Variants in EDIL3 observed in about 807,000 individuals in gnomAD.
EDIL3 encodes the protein EGF like and discoidin domains 3.
Under a neutral mutation model 67.4 loss-of-function variants are expected in EDIL3, and 37 were observed. The observed-to-expected ratio is 0.55, with a 90% confidence interval of 0.42 to 0.72. EDIL3 has a LOEUF of 0.72. Among genes scored for constraint, EDIL3 ranks in the 30% least tolerant of loss-of-function variants. EDIL3 has a pLI of 0.00. For missense variants in EDIL3, 527 were observed against 586.3 expected, an observed-to-expected ratio of 0.90 and a Z score of 1.04; for synonymous variants, 195 against 196.3, an observed-to-expected ratio of 0.99 and a Z score of 0.05.
intron 9 of EDIL3, among the ~76,000 whole-genome samples, chr5:84,011,180 A>G (rs1359502133): frequency 6.6e-6 from 1 of 152,138 alleles, no homozygotes; most frequent in Non-Finnish European, 1.5e-5. Context: ...GTGTCTTTAC[A>G]CATTTTTAGT....
chr5:84,234,794 T>C (rs1409600470), intron 2 of EDIL3, among the ~76,000 whole-genome samples: 1 of 152,190 alleles, frequency 6.6e-6, no homozygotes, highest in Non-Finnish European at 1.5e-5. Context: ...ATGTACCAAA[T>C]ATGTTTTCAA....
chr5:84,000,382 A>C (rs985700736), intron 9 of EDIL3, among the ~76,000 whole-genome samples: 2 of 152,198 alleles, frequency 1.3e-5, no homozygotes, highest in Admixed American at 6.5e-5. Flanking sequence ...ATATGAATCG[A>C]AACAACAAAA....
chr5:84,328,480 T>C (rs1398754593), intron 1 of EDIL3, among the ~76,000 whole-genome samples: 3 of 152,090 alleles, frequency 2.0e-5, no homozygotes, highest in Non-Finnish European at 4.4e-5. Flanking sequence ...ATAATTCATC[T>C]AACAATAATG....
intron 2 of EDIL3, among the ~76,000 whole-genome samples, chr5:84,239,565 G>T (rs1009652201): frequency 2.0e-5 from 3 of 152,108 alleles, no homozygotes; most frequent in African/African-American, 7.2e-5. Context: ...GCAAAAACTT[G>T]GAACCTTCAG....
intron 1 of EDIL3, among the ~76,000 whole-genome samples, chr5:84,342,176 T>C (rs917770957): frequency 6.6e-6 from 1 of 152,052 alleles, no homozygotes; most frequent in African/African-American, 2.4e-5. Flanking sequence ...TTTTCAGCCA[T>C]GGAAAAGAAT....
chr5:84,227,871 G>C (rs1300267138), intron 3 of EDIL3, among the ~76,000 whole-genome samples: 1 of 151,940 alleles, frequency 6.6e-6, no homozygotes, highest in Non-Finnish European at 1.5e-5. Context: ...GCTAAACATT[G>C]AGCACACATG....
intron 8 of EDIL3, among the ~76,000 whole-genome samples, chr5:84,063,409 A>T (rs941269496): frequency 2.0e-5 from 3 of 152,174 alleles, no homozygotes; most frequent in Non-Finnish European, 4.4e-5. Flanking sequence ...AATTGCCAAA[A>T]TAAGGAAAAT....
chr5:84,134,090 G>C (rs1013610447), intron 5 of EDIL3, among the ~76,000 whole-genome samples: 1 of 151,960 alleles, frequency 6.6e-6, no homozygotes, highest in African/African-American at 2.4e-5. Context: ...TTTGCAACAG[G>C]TCATAATAGA....
chr5:84,075,477 C>CTTA (rs1420250244), intron 6 of EDIL3, among the ~76,000 whole-genome samples: 99 of 151,042 alleles, frequency 6.6e-4, no homozygotes, highest in African/African-American at 2.3e-3. Context: ...TCTTCTTCTT[C>CTTA]TTCTTCTTAT....
chr5:84,077,600 A>G (rs940836895), intron 6 of EDIL3, among the ~76,000 whole-genome samples: 1 of 152,114 alleles, frequency 6.6e-6, no homozygotes, highest in Admixed American at 6.5e-5. Context: ...GTTATCCACT[A>G]TCATGAGAAC....
At chr5:84,025,638 G>T (rs888941069) in intron 9 of EDIL3, among the ~76,000 whole-genome samples, 4 of 152,106 alleles carry the variant, frequency 2.6e-5, no homozygotes, top group Non-Finnish European at 5.9e-5. Context: ...AAAGGTTGGG[G>T]TCCACTGCTC....
At chr5:83,969,830 C>T (rs1678199169) in intron 9 of EDIL3, among the ~76,000 whole-genome samples, 1 of 151,770 alleles carries the variant, frequency 6.6e-6, no homozygotes. Context: ...TTCCATACTG[C>T]AATGTCTAAT....
At chr5:84,223,402 T>A (rs1468261426) in intron 3 of EDIL3, among the ~76,000 whole-genome samples, 1 of 151,166 alleles carries the variant, frequency 6.6e-6, no homozygotes, top group Non-Finnish European at 1.5e-5. Context: ...ATTGATTAAT[T>A]AATAGATAAG....
At chr5:84,124,315 T>C (rs1747826732) in intron 5 of EDIL3, among the ~76,000 whole-genome samples, 1 of 152,000 alleles carries the variant, frequency 6.6e-6, no homozygotes, top group Non-Finnish European at 1.5e-5. Context: ...TCTGATGGTA[T>C]GTTACATGTG....
At chr5:84,221,985 A>C (rs997830899) in intron 3 of EDIL3, among the ~76,000 whole-genome samples, 4 of 151,932 alleles carry the variant, frequency 2.6e-5, no homozygotes, top group Non-Finnish European at 4.4e-5. Context: ...TAATGTGATA[A>C]AATATCATTT....
At chr5:84,041,897 A>G (rs1746133091) in intron 9 of EDIL3, among the ~76,000 whole-genome samples, 1 of 152,056 alleles carries the variant, frequency 6.6e-6, no homozygotes. Flanking sequence ...CATGAAATAA[A>G]CAAAGATTGA....
chr5:84,162,686 C>T (rs1748635252), intron 4 of EDIL3, among the ~76,000 whole-genome samples: 1 of 152,090 alleles, frequency 6.6e-6, no homozygotes, highest in African/African-American at 2.4e-5. Flanking sequence ...TCCTCTTGGG[C>T]TCCCAAGATA....
At chr5:84,128,477 C>T (rs1283624306) in intron 5 of EDIL3, among the ~76,000 whole-genome samples, 1 of 41,920 alleles carries the variant, frequency 2.4e-5, no homozygotes, top group Non-Finnish European at 4.0e-5. Context: ...AAGATACTGT[C>T]TGGCCCACAA....
Position 84,384,462 on chromosome 5 carries a change from A to C in EDIL3, c.-88T>G. On this transcript the variant is annotated 5_prime_UTR_variant, in exon 1 of 11. Coordinates refer to ENST00000296591, the MANE Select transcript of EDIL3 (RefSeq NM_005711.5). ...AGGTGGCAGCGCAGGGCAGCAGCAG[A>C]CTCCGCCCCTACTAAAGAATTCAAG... 1 of 1,269,924 alleles carries C rather than the reference A, an allele frequency of 7.9e-7. No homozygotes were observed. Among genetic ancestry groups the C allele is most frequent in the South Asian group, 1.3e-5 (1 of 79,974 alleles). The allele number at this position is 1,269,924 out of a possible 1,614,324, so 78.7% of individuals were successfully genotyped here. A position where few individuals can be genotyped will look rare whatever the true frequency, so the allele number is the denominator to read the frequency against.
Sources: gnomAD v4.1 joint callset for allele counts (sites outside exome capture counted in the v4.1 genomes callset) on GRCh38, gnomAD v4.1.1 for gene constraint, MANE v1.5 for transcripts, NCBI Gene and HGNC (gene_info 2026-07-23, HGNC 2026-07-21) for gene names.